DLGAP1: variants seen among roughly 807,000 people sequenced by gnomAD.
DLGAP1 encodes the protein DLG associated protein 1.
A neutral mutation model predicts 90.8 loss-of-function variants in DLGAP1; 11 were observed. That is an observed-to-expected ratio of 0.12 (90% CI 0.08 to 0.20). The LOEUF (loss-of-function observed/expected upper bound fraction) is 0.20. Among genes scored for constraint, DLGAP1 ranks in the 10% least tolerant of loss-of-function variants. The pLI, the probability that DLGAP1 is intolerant of heterozygous loss-of-function variation, is 1.00. For missense variants in DLGAP1, 1,050 were observed against 1,333.8 expected (o/e 0.79, Z 3.31); for synonymous variants, 558 against 540.7 (o/e 1.03, Z -0.44).
chr18:3,722,705 T>C (rs993628290), intron 7 of DLGAP1: 1 of 152,224 alleles, frequency 6.6e-6, no homozygotes. Context: ...TTCTGATTGA[T>C]ATCTGTCCCT....
At chr18:3,942,393 C>G (rs2072787305) in intron 3 of DLGAP1, among the ~76,000 whole-genome samples, 1 of 152,208 alleles carries the variant, frequency 6.6e-6, no homozygotes, top group South Asian at 2.1e-4. Flanking sequence ...TCGGAGCTTT[C>G]CACCTCTGTA....
At chr18:3,542,752 C>T (rs138239934) in intron 9 of DLGAP1, among the ~76,000 whole-genome samples, 1 of 152,104 alleles carries the variant, frequency 6.6e-6, no homozygotes, top group Non-Finnish European at 1.5e-5. Flanking sequence ...TGAAGATGGG[C>T]GATGATTGCT....
intron 1 of DLGAP1, among the ~76,000 whole-genome samples, chr18:4,174,957 C>T (rs939996099): frequency 3.7e-4 from 56 of 152,180 alleles, no homozygotes; most frequent in Admixed American, 3.7e-3. Flanking sequence ...TTTTATGGCT[C>T]TGTAGTTTTC....
chr18:4,141,331 T>A (rs1270555849), intron 2 of DLGAP1, among the ~76,000 whole-genome samples: 1 of 151,920 alleles, frequency 6.6e-6, no homozygotes, highest in Non-Finnish European at 1.5e-5. Flanking sequence ...CATGTAGAAG[T>A]TCTGAAAATG....
chr18:3,625,365 A>G (rs1169995017), intron 7 of DLGAP1, among the ~76,000 whole-genome samples: 1 of 152,174 alleles, frequency 6.6e-6, no homozygotes, highest in African/African-American at 2.4e-5. Flanking sequence ...GGAGGGAAGG[A>G]GAGACCTCCT....
chr18:4,085,842 C>G (rs2075673417), intron 2 of DLGAP1, among the ~76,000 whole-genome samples: 1 of 152,230 alleles, frequency 6.6e-6, no homozygotes. Context: ...ACTCCCTCTT[C>G]TTCCAATGTT....
chr18:4,242,516 A>G (rs2078560352), intron 1 of DLGAP1, among the ~76,000 whole-genome samples: 1 of 152,108 alleles, frequency 6.6e-6, no homozygotes, highest in Non-Finnish European at 1.5e-5. Flanking sequence ...TTTCCACTTC[A>G]AAAAAAGAGT....
chr18:4,203,516 T>G (rs1218503831), intron 1 of DLGAP1, among the ~76,000 whole-genome samples: 1 of 152,172 alleles, frequency 6.6e-6, no homozygotes, highest in Non-Finnish European at 1.5e-5. Context: ...GAGCTTTTAT[T>G]TGGGCTTCTA....
chr18:4,344,091 C>G (rs1568526682), intron 1 of DLGAP1, among the ~76,000 whole-genome samples: 1 of 152,096 alleles, frequency 6.6e-6, no homozygotes, highest in Non-Finnish European at 1.5e-5. Context: ...GTTTCAAATT[C>G]CACAATTTAA....
chr18:3,959,307 C>T (rs899879838), intron 3 of DLGAP1, among the ~76,000 whole-genome samples: 4 of 152,136 alleles, frequency 2.6e-5, no homozygotes, highest in African/African-American at 9.7e-5. Context: ...TCTACACTCT[C>T]TTTTGCACAG....
At chr18:3,562,711 A>AT (rs112224743) in intron 9 of DLGAP1, among the ~76,000 whole-genome samples, 53,571 of 143,656 alleles carry the variant, frequency 0.37, 12,325 homozygotes, top group Non-Finnish European at 0.52. Flanking sequence ...CGCCTGGTTA[A>AT]TTTTTTTTTT....
intron 4 of DLGAP1, among the ~76,000 whole-genome samples, chr18:3,837,966 C>T (rs1050912888): frequency 1.4e-5 from 2 of 142,834 alleles, no homozygotes; most frequent in Admixed American, 1.4e-4. Context: ...TTTTTAAAAA[C>T]CAGTATATTA....
intron 10 of DLGAP1, among the ~76,000 whole-genome samples, chr18:3,516,024 C>G (rs562295909): frequency 2.6e-5 from 4 of 152,222 alleles, no homozygotes; most frequent in Non-Finnish European, 5.9e-5. Flanking sequence ...GGCTTCACTT[C>G]GCATTCTAGT....
chr18:3,586,084 C>A (rs939506758), intron 7 of DLGAP1, among the ~76,000 whole-genome samples: 1 of 152,156 alleles, frequency 6.6e-6, no homozygotes, highest in Non-Finnish European at 1.5e-5. Flanking sequence ...GGGACATTGG[C>A]AGAGTTCCAG....
intron 7 of DLGAP1, among the ~76,000 whole-genome samples, chr18:3,666,917 C>G (rs1318045073): frequency 2.0e-5 from 3 of 152,026 alleles, no homozygotes; most frequent in Non-Finnish European, 4.4e-5. Flanking sequence ...CCACTACACC[C>G]TGCTAATTTT....
intron 7 of DLGAP1, among the ~76,000 whole-genome samples, chr18:3,670,684 G>T (rs2060056810): frequency 6.6e-6 from 1 of 152,202 alleles, no homozygotes; most frequent in Non-Finnish European, 1.5e-5. Context: ...ATCTTTATGA[G>T]AAATTTCTAA....
At chr18:3,676,172 G>A (rs2060291878) in intron 7 of DLGAP1, among the ~76,000 whole-genome samples, 1 of 152,212 alleles carries the variant, frequency 6.6e-6, no homozygotes, top group Non-Finnish European at 1.5e-5. Context: ...CCAGCCGCGT[G>A]TACAGCAAGG....
At chr18:3,933,088 T>C (rs2148932726) in intron 3 of DLGAP1, among the ~76,000 whole-genome samples, 1 of 152,330 alleles carries the variant, frequency 6.6e-6, no homozygotes, top group East Asian at 1.9e-4. Context: ...TTCAAGATAG[T>C]GGATCACTGG....
At chr18:3,567,642 A>T in intron 8 of DLGAP1, 61 bp from the exon 9 acceptor site, 1 of 1,436,418 alleles carries the variant, frequency 7.0e-7, no homozygotes, top group Non-Finnish European at 9.7e-7. Context: ...TGAAAAACAA[A>T]CATCACATTT....
Sources: allele counts gnomAD v4.1 joint callset (sites outside exome capture counted in the v4.1 genomes callset), GRCh38; gene constraint gnomAD v4.1.1; transcripts MANE v1.5; gene names NCBI Gene and HGNC (gene_info 2026-07-23, HGNC 2026-07-21).